The following STK40 variants were observed in gnomAD, a reference collection of about 807,000 sequenced individuals.
The protein encoded by STK40 is serine/threonine-protein kinase 40.
A neutral mutation model predicts 47.9 loss-of-function variants in STK40; 13 were observed. The observed-to-expected ratio is 0.27, with a 90% CI of 0.18 to 0.43. The LOEUF (loss-of-function observed/expected upper bound fraction) is 0.43. STK40 is among the 20% of genes least tolerant of loss of function. STK40 has a pLI of 1.00. For synonymous variants in STK40, 225 were observed against 243.2 expected (o/e 0.93, Z 0.69); for missense variants, 460 against 595.1 (o/e 0.77, Z 2.36).
chr1:36,358,273 T>C lies in STK40; in HGVS notation c.308A>G (p.Gln103Arg). The C allele has an allele frequency of 6.2e-7, 1 of 1,601,368 alleles. No homozygotes were observed. Among genetic ancestry groups the C allele is most frequent in the East Asian group, 2.2e-5 (1 of 44,450 alleles). ...EYSLLSLLHT[Q>R]DGVVHHHGLF... Reference sequence around the variant, plus strand: ...GCCGTGGTGGTGCACCACGCCATCCTGCGTGTGCAGGAGAGACAGCAGTGA... The same window carrying C: ...GCCGTGGTGGTGCACCACGCCATCCCGCGTGTGCAGGAGAGACAGCAGTGA... The change falls in exon 4 of 11, where the codon CAG becomes CGG. Residue 103 changes from glutamine (Q) to arginine (R), a missense_variant. By Grantham distance (43) the Gln-to-Arg change is conservative. Coordinates refer to ENST00000373132, the MANE Select transcript of STK40 (RefSeq NM_001282547.2).
intron 1 of STK40, 61 bp from the exon 2 acceptor site, chr1:36,361,401 C>G: frequency 1.6e-5 from 25 of 1,604,918 alleles, no homozygotes; most frequent in Non-Finnish European, 2.0e-5. Context: ...TTATGCTAAC[C>G]CAGCCTGCAG....
rs1183556935 is a variant in STK40, at chr1:36,344,146, G to A, written c.858C>T (p.Ile286=). 6.2e-7 allele frequency: 1 copy of A among 1,609,360 alleles called. No individual in the cohort carries two copies. The highest frequency in any genetic ancestry group is 1.4e-5 in the African/African-American group (1 of 73,520). ...CAGGAATGGTATACTCGGCAGCCTT[G>A]ATCTTGCGGAAGAGCTCCTGCGGGA... ...DSIPQELFRK[I]KAAEYTIPED... is the part of the protein sequence containing the mutation. The change falls in exon 8 of 11, where the codon ATC becomes ATT. Residue 286 remains isoleucine, a synonymous_variant. Coordinates refer to ENST00000373132, the MANE Select transcript of STK40 (RefSeq NM_001282547.2).
In STK40 at chr1:36,345,259, C is replaced by G. The variant is rs554274214; in HGVS notation, c.740-995G>C. Among the ~76,000 whole-genome samples the G allele has an allele frequency of 1.9e-4, 29 of 152,350 alleles. 1 individual carries two copies. Among genetic ancestry groups the G allele is most frequent in the Admixed American group, 1.7e-3 (26 of 15,312 alleles). On this transcript the variant is annotated intron_variant, in intron 7 of 10. Transcript: ENST00000373132. The stretch of plus-strand genomic sequence containing the variant: ...TGGGTGTGGAAGAGACGCTGCCAGG[C>G]ACCCTAGCGTCACCTCCCTGGGCAA...
intron 1 of STK40, among the ~76,000 whole-genome samples, chr1:36,384,418 G>A (rs973432048): frequency 6.6e-6 from 1 of 152,214 alleles, no homozygotes; most frequent in Non-Finnish European, 1.5e-5. Context: ...AATAAAAATA[G>A]ATAACATTTA....
intron 5 of STK40, 73 bp downstream of exon 5, chr1:36,355,133 G>A (rs776281723): frequency 2.1e-4 from 306 of 1,488,834 alleles, no homozygotes; most frequent in Non-Finnish European, 2.7e-4. Flanking sequence ...GGACAGAGCT[G>A]CCTTCTGCTC....
chr1:36,353,286 A>G (rs546658676), intron 6 of STK40, among the ~76,000 whole-genome samples: 16 of 152,264 alleles, frequency 1.1e-4, no homozygotes, highest in African/African-American at 3.4e-4. Flanking sequence ...TCAGCCCTGC[A>G]TTTCAAGGAT....
chr1:36,364,534 T>C (rs1646885180), intron 1 of STK40, among the ~76,000 whole-genome samples: 1 of 152,260 alleles, frequency 6.6e-6, no homozygotes, highest in South Asian at 2.1e-4. Flanking sequence ...TTTTATGAAT[T>C]TCCTTTATAT....
chr1:36,367,179 C>T (rs1646910015), intron 1 of STK40, among the ~76,000 whole-genome samples: 1 of 152,032 alleles, frequency 6.6e-6, no homozygotes, highest in Non-Finnish European at 1.5e-5. Flanking sequence ...CACAAGTCAG[C>T]ACCAGTCCCC....
intron 1 of STK40, among the ~76,000 whole-genome samples, chr1:36,371,159 G>A (rs1024960450): frequency 5.9e-5 from 9 of 151,720 alleles, no homozygotes; most frequent in Admixed American, 1.3e-4. Flanking sequence ...GATTACAGGC[G>A]TGAGCCACCA....
intron 1 of STK40, among the ~76,000 whole-genome samples, chr1:36,377,628 T>C (rs1232291357): frequency 1.4e-5 from 2 of 143,016 alleles, no homozygotes; most frequent in East Asian, 2.1e-4. Context: ...TGGGAAGAGG[T>C]GTAAGCATAA....
intron 1 of STK40, among the ~76,000 whole-genome samples, chr1:36,383,624 T>G (rs1272500165): frequency 6.6e-6 from 1 of 152,184 alleles, no homozygotes; most frequent in Non-Finnish European, 1.5e-5. Flanking sequence ...AGTGAAATCT[T>G]TCTAAAATAT....
At chr1:36,364,732 G>A (rs976419285) in intron 1 of STK40, among the ~76,000 whole-genome samples, 2 of 152,048 alleles carry the variant, frequency 1.3e-5, no homozygotes, top group Non-Finnish European at 2.9e-5. Flanking sequence ...GCTGAGGCGG[G>A]AGGATTGCTT....
intron 1 of STK40, among the ~76,000 whole-genome samples, chr1:36,369,033 G>A (rs1226722280): frequency 3.3e-5 from 5 of 152,350 alleles, no homozygotes; most frequent in Admixed American, 3.3e-4. Flanking sequence ...CCTGTGGCTT[G>A]TGGGTACACA....
Position 36,341,589 on chromosome 1 carries a change from G to T in STK40, c.*166C>A. 1.4e-6 allele frequency: 1 copy of T among 724,108 alleles called. No homozygotes were observed. Among genetic ancestry groups the T allele is most frequent in the Non-Finnish European group, 2.2e-6 (1 of 446,742 alleles). 44.9% of individuals were successfully genotyped at this position (724,108 alleles called of 1,614,324 possible). A position where few individuals can be genotyped will look rare whatever the true frequency, so the allele number is the denominator to read the frequency against. ...AGCAATCATCCCAAAAGGTAGCTTC[G>T]TGGTACCTCTGCTGACCCCACGTGT... On this transcript the variant is annotated 3_prime_UTR_variant, in exon 11 of 11. Coordinates refer to ENST00000373132, the MANE Select transcript of STK40 (RefSeq NM_001282547.2).
chr1:36,351,084 C>T (rs906955643), intron 6 of STK40, among the ~76,000 whole-genome samples: 2 of 152,162 alleles, frequency 1.3e-5, no homozygotes, highest in Non-Finnish European at 2.9e-5. Context: ...GAGTGAGTCA[C>T]GCTTTAGCTA....
chr1:36,371,704 AAAAAAAAAG>A (rs1646949139), intron 1 of STK40, among the ~76,000 whole-genome samples: 1 of 148,412 alleles, frequency 6.7e-6, no homozygotes, highest in African/African-American at 2.5e-5. Context: ...AAAAAAAAAA[AAAAAAAAAG>A]GACTGCGTGC....
chr1:36,345,987 A>ATTTTTTTTTTTTTT (rs1397972473), intron 7 of STK40, among the ~76,000 whole-genome samples: 1 of 17,268 alleles, frequency 5.8e-5, no homozygotes, highest in Non-Finnish European at 1.1e-4. Context: ...ATATATATAT[A>ATTTTTTTTTTTTTT]TATATTTTTT....
chr1:36,347,210 A>C (rs1326312603), intron 7 of STK40, among the ~76,000 whole-genome samples: 1 of 152,166 alleles, frequency 6.6e-6, no homozygotes, highest in African/African-American at 2.4e-5. Context: ...AGCTGGGACG[A>C]GGCTGGCTCG....
chr1:36,384,535 C>T (rs946918081), intron 1 of STK40, among the ~76,000 whole-genome samples: 4 of 152,198 alleles, frequency 2.6e-5, no homozygotes, highest in African/African-American at 9.7e-5. Context: ...GACGAAGACA[C>T]TGAGGCACAG....
Sources: gnomAD v4.1 joint callset for allele counts (sites outside exome capture counted in the v4.1 genomes callset) on GRCh38, gnomAD v4.1.1 for gene constraint, MANE v1.5 for transcripts, NCBI Gene and HGNC (gene_info 2026-07-23, HGNC 2026-07-21) for gene names.